The following CTSC variants were observed in gnomAD, a reference collection of about 807,000 sequenced individuals.
CTSC encodes the protein dipeptidyl peptidase 1.
CTSC carries 37 observed loss-of-function variants against 40.9 expected under a neutral mutation model. The ratio of observed to expected loss-of-function variants is 0.91; its 90% CI spans 0.70 to 1.19. The LOEUF (loss-of-function observed/expected upper bound fraction) is 1.19. Among genes scored for constraint, CTSC ranks in the 50% most tolerant of loss-of-function variants. CTSC has a pLI of 0.00. For synonymous variants in CTSC, 232 were observed against 207.4 expected, an observed-to-expected ratio of 1.12 and a Z score of -1.02; for missense variants, 594 against 567.3, an observed-to-expected ratio of 1.05 and a Z score of -0.48.
At chr11:88,301,558 A>G (rs1944360848) in intron 4 of CTSC, among the ~76,000 whole-genome samples, 1 of 152,152 alleles carries the variant, frequency 6.6e-6, no homozygotes, top group African/African-American at 2.4e-5. Context: ...CAAGAAGCCA[A>G]GAACCTGGAC....
At chr11:88,306,784 TGCA>T (rs1185767703) in intron 4 of CTSC, among the ~76,000 whole-genome samples, 2 of 152,238 alleles carry the variant, frequency 1.3e-5, no homozygotes, top group Non-Finnish European at 2.9e-5. Context: ...CCCCTGCCCT[TGCA>T]ATAAGGCATG....
intron 1 of CTSC, among the ~76,000 whole-genome samples, 138 bp downstream of exon 1, chr11:88,337,347 GGGAAGAAGGTCCCCAA>G (rs1479072476): frequency 6.6e-6 from 1 of 152,194 alleles, no homozygotes; most frequent in Non-Finnish European, 1.5e-5. Context: ...GAGCCTGGCG[GGGAAGAAGGTCCCCAA>G]GGGTCCCCGA....
intron 2 of CTSC, among the ~76,000 whole-genome samples, chr11:88,319,090 CT>C (rs1299466361): frequency 6.6e-6 from 1 of 152,086 alleles, no homozygotes; most frequent in Non-Finnish European, 1.5e-5. Context: ...TCACATCTGC[CT>C]GCTTAAACTG....
chr11:88,312,622 G>A (rs1937790300), intron 2 of CTSC, 68 bp from the exon 3 acceptor site: 1 of 1,555,190 alleles, frequency 6.4e-7, no homozygotes, highest in Middle Eastern at 1.7e-4. Flanking sequence ...CATTTCCATG[G>A]CTCTCATTCA....
chr11:88,294,481 A>G lies in CTSC; in HGVS notation c.917T>C (p.Ile306Thr), dbSNP rs1386551513. The G allele has an allele frequency of 2.5e-6, 4 of 1,614,188 alleles. No individual in the cohort carries two copies. Among genetic ancestry groups the G allele is most frequent in the Middle Eastern group, 3.3e-4 (2 of 6,060 alleles). The change falls in exon 7 of 7, where the codon ATT becomes ACT. Residue 306 changes from isoleucine (I) to threonine (T), a missense_variant. Transcript: ENST00000227266. ...QGCEGGFPYLIAGKYAQDFGL... is the reference protein window; with the variant it reads ...QGCEGGFPYLTAGKYAQDFGL... ...AAAATCTTGGGCGTACTTTCCTGCA[A>G]TAAGGTATGGGAAGCCGCCTTCACA...
chr11:88,326,225 G>C, intron 2 of CTSC: 1 of 1,433,050 alleles, frequency 7.0e-7, no homozygotes, highest in Non-Finnish European at 9.2e-7. Flanking sequence ...TTTTCCAAGG[G>C]AGTGTTCAGG....
chr11:88,325,138 C>T, intron 2 of CTSC: 1 of 985,196 alleles, frequency 1.0e-6, no homozygotes, highest in Non-Finnish European at 1.2e-6. Context: ...CATTATTCGG[C>T]AGGAAAGAGC....
intron 3 of CTSC, among the ~76,000 whole-genome samples, 159 bp from the exon 4 acceptor site, chr11:88,309,477 T>C (rs916182435): frequency 2.0e-5 from 3 of 152,198 alleles, no homozygotes; most frequent in African/African-American, 7.2e-5. Context: ...GCCTGGCATG[T>C]CTTCTCTAAA....
intron 2 of CTSC, 47 bp from the exon 3 acceptor site, chr11:88,312,601 A>C (rs1265706018): frequency 6.2e-7 from 1 of 1,608,080 alleles, no homozygotes; most frequent in Non-Finnish European, 8.5e-7. Context: ...TCTGTCTTCA[A>C]ATTTCAGGTC....
In CTSC at chr11:88,294,410, G is replaced by A. The variant is rs1002695249; in HGVS notation, c.988C>T (p.Pro330Ser). Reference protein sequence around the residue: ...ACFPYTGTDSPCKMKEDCFRY... With the variant: ...ACFPYTGTDSSCKMKEDCFRY... ...AAGCAGTCTTCCTTCATTTTGCATG[G>A]AGAATCAGTGCCTGTGTAGGGGAAG... Residue 330 changes from proline (P) to serine (S), a missense_variant, in exon 7 of 7, where the codon CCA (proline) becomes TCA (serine). Coordinates refer to ENST00000227266, the MANE Select transcript of CTSC (RefSeq NM_001814.6). 6.2e-7 allele frequency: 1 copy of A among 1,614,026 alleles called. No individual in the cohort carries two copies. The highest frequency in any genetic ancestry group is 8.5e-7 in the Non-Finnish European group (1 of 1,180,028).
chr11:88,334,937 C>T lies in CTSC; in HGVS notation c.318G>A (p.Lys106=), dbSNP rs2134827375. 2 of 1,610,712 alleles carry T rather than the reference C, an allele frequency of 1.2e-6. No individual in the cohort carries two copies. Among genetic ancestry groups the T allele is most frequent in the Non-Finnish European group, 1.7e-6 (2 of 1,177,148 alleles). Residue 106 remains lysine (K), a splice_region_variant and synonymous_variant, in exon 2 of 7, where the codon AAG becomes AAA. Coordinates refer to ENST00000227266, the MANE Select transcript of CTSC (RefSeq NM_001814.6). ...AAATCCAACTTCCAACAAAACTAACCTTAAAAAAGGCAAACCACTTGTAGT... is the reference window on the plus strand; with the variant it reads ...AAATCCAACTTCCAACAAAACTAACTTTAAAAAAGGCAAACCACTTGTAGT... The part of the protein sequence containing the change: ...LNDYKWFAFF[K]YKEEGSKVTT...
chr11:88,329,736 T>C (rs1270484426), intron 2 of CTSC, among the ~76,000 whole-genome samples: 2 of 152,188 alleles, frequency 1.3e-5, no homozygotes, highest in Non-Finnish European at 2.9e-5. Flanking sequence ...GTGTGTTTTG[T>C]TTTGTTTGGA....
At chr11:88,303,386 C>G (rs1162466749) in intron 4 of CTSC, among the ~76,000 whole-genome samples, 4 of 152,220 alleles carry the variant, frequency 2.6e-5, no homozygotes, top group Non-Finnish European at 5.9e-5. Context: ...GGTTGTTTAC[C>G]TGTGCTTCTG....
chr11:88,299,009 T>G (rs1944328510), intron 5 of CTSC: 1 of 152,180 alleles, frequency 6.6e-6, no homozygotes. Flanking sequence ...CTTTAATGTT[T>G]TGCTTGTATG....
intron 2 of CTSC, chr11:88,326,589 G>C: frequency 3.0e-6 from 2 of 659,754 alleles, no homozygotes; most frequent in South Asian, 1.8e-5. Flanking sequence ...TAAATGTTAA[G>C]ACATTCACAG....
intron 2 of CTSC, among the ~76,000 whole-genome samples, chr11:88,320,045 C>T (rs1937963747): frequency 6.6e-6 from 1 of 152,166 alleles, no homozygotes; most frequent in African/African-American, 2.4e-5. Flanking sequence ...AGTGTCACAT[C>T]TTTCCTCAGA....
Position 88,293,955 on chromosome 11 carries a change from A to G in CTSC, c.*51T>C, listed in dbSNP as rs1356392374. 2 of 1,594,834 alleles carry G rather than the reference A, an allele frequency of 1.3e-6. No homozygotes were observed. The highest frequency in any genetic ancestry group is 1.1e-5 in the South Asian group (1 of 90,692). ...AAGTCTACAGTCTGTGAATATACCA[A>G]TTCCCCTTTACAACTGATGCAGATC... On this transcript the variant is annotated 3_prime_UTR_variant, in exon 7 of 7. Transcript: ENST00000227266.
At chr11:88,336,014 T>A (rs10830711) in intron 1 of CTSC, among the ~76,000 whole-genome samples, 2 of 151,980 alleles carry the variant, frequency 1.3e-5, no homozygotes, top group Non-Finnish European at 2.9e-5. Context: ...TTAACCTTCA[T>A]AGATGAGGGC....
At position 88,309,193 on chromosome 11, in the gene CTSC, C is replaced by T; in HGVS notation, c.611G>A (p.Arg204Lys). The T allele has an allele frequency of 6.2e-7, 1 of 1,614,000 alleles. No individual in the cohort carries two copies. The change falls in exon 4 of 7, where the codon AGA becomes AAA. Residue 204 changes from arginine (R) to lysine (K), a missense_variant. Coordinates refer to ENST00000227266, the MANE Select transcript of CTSC (RefSeq NM_001814.6). The part of the protein sequence containing the change: ...ETLTLGDMIR[R>K]SGGHSRKIPR... ...GATTTTTCGACTGTGGCCACCACTT[C>T]TCCTAATCATATCTCCCAGGGTAAG...
Sources: gnomAD v4.1 joint callset for allele counts (sites outside exome capture counted in the v4.1 genomes callset) on GRCh38, gnomAD v4.1.1 for gene constraint, MANE v1.5 for transcripts, NCBI Gene and HGNC (gene_info 2026-07-23, HGNC 2026-07-21) for gene names.